The following GLIS3 variants were observed in gnomAD, a reference collection of about 807,000 sequenced individuals.
GLIS3 encodes GLIS family zinc finger 3.
Under a neutral mutation model 78.6 loss-of-function variants are expected in GLIS3, and 53 were observed. The ratio of observed to expected loss-of-function variants is 0.67; its 90% CI spans 0.54 to 0.85. GLIS3 has a LOEUF of 0.85. Among genes scored for constraint, GLIS3 ranks in the 40% least tolerant of loss-of-function variants. The pLI is 0.00. For missense variants in GLIS3, 1,703 were observed against 1,231.1 expected (o/e 1.38, Z -5.74); for synonymous variants, 684 against 509.9 (o/e 1.34, Z -4.60).
chr9:4,369,682 C>A, the GLIS3 span, among the ~76,000 whole-genome samples: 1 of 152,082 alleles, frequency 6.6e-6, no homozygotes, highest in East Asian at 1.9e-4. Context: ...ATAACAATGG[C>A]GTGATGGTCA....
upstream of GLIS3, among the ~76,000 whole-genome samples, chr9:4,351,902 A>G (rs1461601006): frequency 6.6e-6 from 1 of 152,184 alleles, no homozygotes; most frequent in Non-Finnish European, 1.5e-5. Context: ...GAATCTGGAG[A>G]AAAATATAAA....
At chr9:3,924,024 T>C (rs188186964) in intron 6 of GLIS3, among the ~76,000 whole-genome samples, 1 of 152,370 alleles carries the variant, frequency 6.6e-6, no homozygotes, top group Non-Finnish European at 1.5e-5. Context: ...CCATGGGCCT[T>C]TGCCCATGGT....
chr9:4,032,378 A>C (rs1823911585), intron 4 of GLIS3, among the ~76,000 whole-genome samples: 2 of 152,222 alleles, frequency 1.3e-5, no homozygotes, highest in African/African-American at 4.8e-5. Flanking sequence ...CTTTCACAGA[A>C]GTCTATAAAA....
At position 4,053,705 on chromosome 9, in the gene GLIS3, T is replaced by TAAAAAAAAAAAAAAAAAAA. The variant is rs760535978; in HGVS notation, c.1710+64062_1710+64063insTTTTTTTTTTTTTTTTTTT. On this transcript the variant is annotated intron_variant, in intron 4 of 10. Transcript: ENST00000381971. ...AGTGCCTACTTGTTTTCTTTCTTCA[T>TAAAAAAAAAAAAAAAAAAA]AAAAAAAAAAAAAAAAAATTCTGGA... is the stretch of plus-strand genomic sequence containing the variant. Among the ~76,000 whole-genome samples, 37 of 91,128 alleles carry TAAAAAAAAAAAAAAAAAAA rather than the reference T, an allele frequency of 4.1e-4. 1 individual carries two copies. The highest frequency in any genetic ancestry group is 1.5e-3 in the East Asian group (4 of 2,710). 59.8% of individuals were successfully genotyped at this position (91,128 alleles called of 152,430 possible).
At chr9:3,921,524 G>A (rs1824885950) in intron 6 of GLIS3, among the ~76,000 whole-genome samples, 1 of 152,190 alleles carries the variant, frequency 6.6e-6, no homozygotes, top group African/African-American at 2.4e-5. Flanking sequence ...TCACTAAAAT[G>A]GGAGAAAGCT....
At chr9:3,999,253 T>C (rs1820962316) in intron 4 of GLIS3, among the ~76,000 whole-genome samples, 2 of 152,180 alleles carry the variant, frequency 1.3e-5, no homozygotes, top group South Asian at 4.1e-4. Flanking sequence ...GATAGTGCTG[T>C]TGTTTCATAT....
chr9:4,412,435 C>T, the GLIS3 span, among the ~76,000 whole-genome samples: 1 of 152,122 alleles, frequency 6.6e-6, no homozygotes, highest in African/African-American at 2.4e-5. Flanking sequence ...TTCCATCATA[C>T]CTAGTGTAAC....
chr9:3,861,123 T>C (rs976492597), intron 8 of GLIS3, among the ~76,000 whole-genome samples: 10 of 152,210 alleles, frequency 6.6e-5, no homozygotes, highest in Non-Finnish European at 1.2e-4. Flanking sequence ...CGATTGAATG[T>C]ACATTTAAGG....
At chr9:3,986,158 T>C (rs1437413583) in intron 4 of GLIS3, among the ~76,000 whole-genome samples, 1 of 152,234 alleles carries the variant, frequency 6.6e-6, no homozygotes. Flanking sequence ...CAGTGGTGTT[T>C]TGCATGTCTA....
At chr9:4,329,224 G>GTCCAC (rs1256326614) in intron 2 of GLIS3, among the ~76,000 whole-genome samples, 1 of 151,986 alleles carries the variant, frequency 6.6e-6, no homozygotes, top group East Asian at 1.9e-4. Context: ...AATGTTCTGA[G>GTCCAC]TCCACGACCC....
intron 2 of GLIS3, chr9:4,147,203 A>C (rs1373665364): frequency 6.6e-6 from 1 of 152,210 alleles, no homozygotes; most frequent in Non-Finnish European, 1.5e-5. Flanking sequence ...ACAAATTCTA[A>C]AATTCCTAGT....
rs139061728 is a variant in GLIS3, at chr9:4,156,274, T to C, written c.389-30333A>G. Among the ~76,000 whole-genome samples, 544 of 152,294 alleles carry C rather than the reference T, an allele frequency of 3.6e-3. 5 individuals are homozygous for C. The highest frequency in any genetic ancestry group is 0.012 in the African/African-American group (513 of 41,556). On this transcript the variant is annotated intron_variant, in intron 2 of 10. Coordinates refer to ENST00000381971, the MANE Select transcript of GLIS3 (RefSeq NM_001042413.2). ...TTCTTCCTCCATTATCTTAATTCTT[T>C]AATGCAGTCTCTGCCCTTTCCTACA...
chr9:3,883,363 A>C (rs924573305), intron 7 of GLIS3, among the ~76,000 whole-genome samples: 2 of 152,228 alleles, frequency 1.3e-5, no homozygotes, highest in African/African-American at 2.4e-5. Context: ...TAATGTTTTA[A>C]GTCTGAATAT....
At chr9:3,952,621 G>C (rs1235477756) in intron 4 of GLIS3, among the ~76,000 whole-genome samples, 1 of 152,134 alleles carries the variant, frequency 6.6e-6, no homozygotes, top group South Asian at 2.1e-4. Flanking sequence ...TTCTGGGATT[G>C]ATGAATAATA....
the GLIS3 span, among the ~76,000 whole-genome samples, chr9:4,474,681 T>C: frequency 6.7e-6 from 1 of 150,188 alleles, no homozygotes; most frequent in Non-Finnish European, 1.5e-5. Context: ...TTACTTTTAA[T>C]GTGAAGTCCA....
chr9:4,257,152 T>A (rs1825029587), intron 2 of GLIS3, among the ~76,000 whole-genome samples: 1 of 152,178 alleles, frequency 6.6e-6, no homozygotes, highest in African/African-American at 2.4e-5. Flanking sequence ...TATGGAGTAT[T>A]ATTAAGCCTT....
At chr9:3,978,380 A>T (rs1201524904) in intron 4 of GLIS3, among the ~76,000 whole-genome samples, 2 of 152,130 alleles carry the variant, frequency 1.3e-5, no homozygotes, top group African/African-American at 4.8e-5. Flanking sequence ...CTTTGATGGG[A>T]ATATGTGTGT....
chr9:4,066,653 G>C (rs1045563880), intron 4 of GLIS3, among the ~76,000 whole-genome samples: 7 of 152,084 alleles, frequency 4.6e-5, no homozygotes, highest in African/African-American at 1.7e-4. Flanking sequence ...ACCCTTCTTT[G>C]TCCTGCTCTG....
At chr9:4,114,278 G>C (rs930593370) in intron 4 of GLIS3, among the ~76,000 whole-genome samples, 4 of 152,134 alleles carry the variant, frequency 2.6e-5, no homozygotes, top group African/African-American at 7.2e-5. Flanking sequence ...ATGGTAAAAA[G>C]ATCTACAGTA....
Sources: allele counts gnomAD v4.1 joint callset (sites outside exome capture counted in the v4.1 genomes callset), GRCh38; gene constraint gnomAD v4.1.1; transcripts MANE v1.5; gene names NCBI Gene and HGNC (gene_info 2026-07-23, HGNC 2026-07-21).